SNX30: variants seen among roughly 807,000 people sequenced by gnomAD.
SNX30 encodes sorting nexin family member 30.
A neutral mutation model predicts 46.4 loss-of-function variants in SNX30; 24 were observed. The observed-to-expected ratio is 0.52, with a 90% CI of 0.37 to 0.73. SNX30 has a LOEUF of 0.73. SNX30 is among the 30% of genes least tolerant of loss of function. The probability of loss-of-function intolerance (pLI) is 0.00; values close to 1 mark genes in which losing one functional copy is unlikely to be tolerated. For missense variants in SNX30, 533 were observed against 555.7 expected (o/e 0.96, Z 0.41); for synonymous variants, 189 against 211.5 (o/e 0.89, Z 0.92).
intron 3 of SNX30, among the ~76,000 whole-genome samples, chr9:112,825,767 A>G (rs902507815): frequency 6.6e-6 from 1 of 152,082 alleles, no homozygotes; most frequent in African/African-American, 2.4e-5. Flanking sequence ...TTTCATTTAC[A>G]TGATGTGGTT....
chr9:112,845,549 G>C (rs182322433), intron 6 of SNX30, among the ~76,000 whole-genome samples: 1 of 152,344 alleles, frequency 6.6e-6, no homozygotes, highest in East Asian at 1.9e-4. Flanking sequence ...CCTCTGTGGA[G>C]CAAGAGACTC....
chr9:112,824,458 A>G (rs1206521199), intron 3 of SNX30, among the ~76,000 whole-genome samples: 1 of 151,944 alleles, frequency 6.6e-6, no homozygotes, highest in Non-Finnish European at 1.5e-5. Flanking sequence ...TCCATCACTC[A>G]GTTTCAACAT....
chr9:112,808,312 T>C (rs894833288), intron 2 of SNX30, among the ~76,000 whole-genome samples: 3 of 152,254 alleles, frequency 2.0e-5, no homozygotes, highest in Admixed American at 2.0e-4. Context: ...AGATTCCTGA[T>C]GACCAGGGCT....
At chr9:112,863,974 T>C (rs932332887) in intron 7 of SNX30, among the ~76,000 whole-genome samples, 1 of 152,238 alleles carries the variant, frequency 6.6e-6, no homozygotes. Flanking sequence ...ATGTTTCTTC[T>C]TCCTGTGTGT....
rs116203480 is a variant in SNX30 at position 112,861,898 on chromosome 9, C to T, written c.1102-2349C>T. ...TGGCCGCCCCCTCCATCCTCCTCAGCGTGCTTATCACGGGGGCTGCAGGGG... is the reference window on the plus strand; with the variant it reads ...TGGCCGCCCCCTCCATCCTCCTCAGTGTGCTTATCACGGGGGCTGCAGGGG... On this transcript the variant is annotated intron_variant, in intron 7 of 8. Coordinates refer to ENST00000374232, the MANE Select transcript of SNX30 (RefSeq NM_001012994.2). Among the ~76,000 whole-genome samples the T allele has an allele frequency of 8.0e-3, 1,212 of 152,136 alleles. 15 individuals are homozygous for T. Among genetic ancestry groups the T allele is most frequent in the African/African-American group, 0.028 (1,151 of 41,544 alleles).
At chr9:112,867,329 C>T (rs1423960304) in intron 8 of SNX30, among the ~76,000 whole-genome samples, 19 of 148,660 alleles carry the variant, frequency 1.3e-4, no homozygotes, top group African/African-American at 4.2e-4. Context: ...CAGAATTCCT[C>T]CTCCCTCCTC....
chr9:112,756,481 G>A (rs1588104267), intron 1 of SNX30, among the ~76,000 whole-genome samples: 2 of 115,194 alleles, frequency 1.7e-5, no homozygotes, highest in South Asian at 2.7e-4. Context: ...GTCTTGCCCT[G>A]TTGCCCAGGC....
chr9:112,868,920 G>T lies in SNX30; in HGVS notation c.*77G>T. The T allele has an allele frequency of 2.2e-6, 3 of 1,393,126 alleles. No individual in the cohort carries two copies. The highest frequency in any genetic ancestry group is 2.0e-4 in the Middle Eastern group (1 of 4,994). 86.3% of individuals were successfully genotyped at this position (1,393,126 alleles called of 1,614,324 possible). On this transcript the variant is annotated 3_prime_UTR_variant, in exon 9 of 9. Coordinates refer to ENST00000374232, the MANE Select transcript of SNX30 (RefSeq NM_001012994.2). ...ATACCGGAATGTCCCTGCAGTGCCA[G>T]AGACGCAGTGCTGGGAAAACAACCA...
chr9:112,865,655 A>ATGTGTGTG, intron 8 of SNX30, among the ~76,000 whole-genome samples: 1 of 89,412 alleles, frequency 1.1e-5, no homozygotes, highest in East Asian at 3.2e-4. Context: ...ATATATATAT[A>ATGTGTGTG]TATATATGTA....
At chr9:112,851,059 G>A (rs910976817) in intron 7 of SNX30, 114 bp downstream of exon 7, 12 of 626,158 alleles carry the variant, frequency 1.9e-5, no homozygotes, top group Non-Finnish European at 3.3e-5. Flanking sequence ...GCTGGGCTAC[G>A]TTGATGATGT....
At chr9:112,829,975 CAT>C (rs1840636334) in intron 3 of SNX30, among the ~76,000 whole-genome samples, 1 of 152,064 alleles carries the variant, frequency 6.6e-6, no homozygotes, top group Non-Finnish European at 1.5e-5. Context: ...TATTTTAAAA[CAT>C]GTGCATAGCA....
chr9:112,752,910 G>T (rs1839298846), intron 1 of SNX30, among the ~76,000 whole-genome samples: 1 of 152,186 alleles, frequency 6.6e-6, no homozygotes. Flanking sequence ...TCACATGGCT[G>T]TTGGCAGGTC....
chr9:112,863,824 C>T (rs1299424100), intron 7 of SNX30, among the ~76,000 whole-genome samples: 1 of 152,216 alleles, frequency 6.6e-6, no homozygotes, highest in African/African-American at 2.4e-5. Flanking sequence ...GGAGAACCTA[C>T]CTCTTCTCTA....
At chr9:112,814,835 G>T (rs893167850) in intron 2 of SNX30, among the ~76,000 whole-genome samples, 1 of 152,182 alleles carries the variant, frequency 6.6e-6, no homozygotes, top group Non-Finnish European at 1.5e-5. Flanking sequence ...GAATTACGAG[G>T]TGCTCAATGG....
At chr9:112,773,838 A>T (rs548296196) in intron 1 of SNX30, among the ~76,000 whole-genome samples, 1 of 152,330 alleles carries the variant, frequency 6.6e-6, no homozygotes, top group East Asian at 1.9e-4. Context: ...ATTATGTTAT[A>T]TTTATATTAC....
chr9:112,807,209 A>C (rs1840242620), intron 2 of SNX30, among the ~76,000 whole-genome samples: 2 of 151,352 alleles, frequency 1.3e-5, no homozygotes, highest in Admixed American at 1.3e-4. Context: ...GGGACTACAG[A>C]TGTATGCCAC....
At chr9:112,758,925 T>C (rs1839396092) in intron 1 of SNX30, among the ~76,000 whole-genome samples, 1 of 151,978 alleles carries the variant, frequency 6.6e-6, no homozygotes, top group South Asian at 2.1e-4. Flanking sequence ...GGCAATATAG[T>C]GAGAACTTGT....
At chr9:112,791,893 A>C (rs62576396) in intron 1 of SNX30, among the ~76,000 whole-genome samples, 10,379 of 152,214 alleles carry the variant, frequency 0.068, 454 homozygotes, top group Non-Finnish European at 0.099. Context: ...TGTATTGATA[A>C]ATTTCCTAAT....
chr9:112,843,835 G>T (rs879857761), intron 6 of SNX30, among the ~76,000 whole-genome samples: 3 of 151,992 alleles, frequency 2.0e-5, no homozygotes, highest in African/African-American at 4.8e-5. Context: ...GGCTGGTCTC[G>T]AACTCCTGAC....
Sources: gnomAD v4.1 joint callset for allele counts (sites outside exome capture counted in the v4.1 genomes callset) on GRCh38, gnomAD v4.1.1 for gene constraint, MANE v1.5 for transcripts, NCBI Gene and HGNC (gene_info 2026-07-23, HGNC 2026-07-21) for gene names.